Variants in NUS1 observed in about 807,000 individuals in gnomAD.
The protein encoded by NUS1 is NUS1 dehydrodolichyl diphosphate synthase subunit.
For missense variants in NUS1, 292 were observed against 382.9 expected, an observed-to-expected ratio of 0.76 and a Z score of 1.98; for synonymous variants, 135 against 155.2, an observed-to-expected ratio of 0.87 and a Z score of 0.97.
intron 1 of NUS1, among the ~76,000 whole-genome samples, chr6:117,687,923 A>T (rs1050975145): frequency 6.6e-6 from 1 of 152,198 alleles, no homozygotes. Context: ...TTATAATATT[A>T]TAAGGAAGTA....
intron 1 of NUS1, among the ~76,000 whole-genome samples, chr6:117,691,796 T>C (rs1420806119): frequency 6.6e-6 from 1 of 151,638 alleles, no homozygotes; most frequent in Admixed American, 6.6e-5. Flanking sequence ...GAGTGTATAA[T>C]TGAACATGTA....
In NUS1 at chr6:117,707,170, AGT is replaced by A. The variant is rs199562088; in HGVS notation, c.*167_*168del. 3.0e-3 allele frequency: 1,956 copies of A among 661,770 alleles called. 22 individuals are homozygous for A. Among genetic ancestry groups the A allele is most frequent in the African/African-American group, 0.029 (1,592 of 55,320 alleles). 41.0% of individuals were successfully genotyped at this position (661,770 alleles called of 1,614,324 possible). ...CAAAAAAGTGTCTTACTTGAGAGTG[AGT>A]GTGTGTGTGTGCGTGTGCACGTGCA... On this transcript the variant is annotated 3_prime_UTR_variant, in exon 5 of 5. Coordinates refer to ENST00000368494, the MANE Select transcript of NUS1 (RefSeq NM_138459.5).
At chr6:117,679,541 G>A (rs1253014319) in intron 1 of NUS1, among the ~76,000 whole-genome samples, 2 of 152,186 alleles carry the variant, frequency 1.3e-5, no homozygotes, top group African/African-American at 4.8e-5. Flanking sequence ...AGTTCAGTTG[G>A]GCAGTTTTTC....
At chr6:117,678,146 A>C (rs571179428) in intron 1 of NUS1, among the ~76,000 whole-genome samples, 1 of 152,342 alleles carries the variant, frequency 6.6e-6, no homozygotes, top group Non-Finnish European at 1.5e-5. Flanking sequence ...AGGAAGAAGT[A>C]AGCTAAGCCA....
At chr6:117,703,181 C>T (rs1242421158) in intron 3 of NUS1, among the ~76,000 whole-genome samples, 2 of 152,232 alleles carry the variant, frequency 1.3e-5, no homozygotes, top group African/African-American at 4.8e-5. Context: ...TTAAAATTTC[C>T]TTTTCGTCTC....
chr6:117,688,003 G>C (rs1206380982), intron 1 of NUS1, among the ~76,000 whole-genome samples: 1 of 152,044 alleles, frequency 6.6e-6, no homozygotes, highest in East Asian at 1.9e-4. Context: ...ATCACTTGAG[G>C]GCCAGGAGTT....
chr6:117,707,915 C>T lies in NUS1; in HGVS notation c.*900C>T, dbSNP rs11548270. 1 of 152,216 alleles carries T rather than the reference C, an allele frequency of 6.6e-6. No homozygotes were observed. 9.4% of individuals were successfully genotyped at this position (152,216 alleles called of 1,614,324 possible). A position where few individuals can be genotyped will look rare whatever the true frequency, so the allele number is the denominator to read the frequency against. Reference sequence around the variant, plus strand: ...ATAAATGGAAAGAAAGTTTTATTTCCTTTTTTGTTTGATGGGCAGTATGCC... The same window carrying T: ...ATAAATGGAAAGAAAGTTTTATTTCTTTTTTTGTTTGATGGGCAGTATGCC... On this transcript the variant is annotated 3_prime_UTR_variant, in exon 5 of 5. Coordinates refer to ENST00000368494, the MANE Select transcript of NUS1 (RefSeq NM_138459.5).
At chr6:117,688,764 T>A (rs1773176251) in intron 1 of NUS1, among the ~76,000 whole-genome samples, 1 of 152,208 alleles carries the variant, frequency 6.6e-6, no homozygotes, top group African/African-American at 2.4e-5. Flanking sequence ...AGGAACCAAA[T>A]GATCCTGTTT....
chr6:117,676,175 C>T, intron 1 of NUS1, 90 bp downstream of exon 1: 2 of 1,534,742 alleles, frequency 1.3e-6, no homozygotes, highest in Non-Finnish European at 1.8e-6. Flanking sequence ...GCACGAGTTG[C>T]CGCGGCCTCT....
chr6:117,703,453 A>G, intron 3 of NUS1, 152 bp from the exon 4 acceptor site: 4 of 633,284 alleles, frequency 6.3e-6, no homozygotes, highest in Admixed American at 2.5e-5. Flanking sequence ...GGGGTGGGGC[A>G]TGGAGACATA....
chr6:117,703,670 T>C lies in NUS1; in HGVS notation c.757T>C (p.Phe253Leu). Residue 253 changes from phenylalanine to leucine, a missense_variant, in exon 4 of 5, where the codon TTT becomes CTT. Coordinates refer to ENST00000368494, the MANE Select transcript of NUS1 (RefSeq NM_138459.5). Reference sequence around the variant, plus strand: ...CGGTCCTGTGGACAGCACATTAGGCTTTCTTCCCTGGCACATCAGATTGAC... The same window carrying C: ...CGGTCCTGTGGACAGCACATTAGGCCTTCTTCCCTGGCACATCAGATTGAC... ...KFGPVDSTLG[F>L]LPWHIRLTEI... 1 of 1,613,690 alleles carries C rather than the reference T, an allele frequency of 6.2e-7. No individual in the cohort carries two copies. The highest frequency in any genetic ancestry group is 1.1e-5 in the South Asian group (1 of 91,068).
chr6:117,676,853 T>C (rs1384039570), intron 1 of NUS1, among the ~76,000 whole-genome samples: 3 of 152,236 alleles, frequency 2.0e-5, no homozygotes, highest in Admixed American at 6.5e-5. Context: ...AGTGAGGCTA[T>C]AGAGGACTTA....
chr6:117,695,305 A>G (rs1367210862), intron 3 of NUS1, among the ~76,000 whole-genome samples: 1 of 151,722 alleles, frequency 6.6e-6, no homozygotes, highest in African/African-American at 2.4e-5. Flanking sequence ...TGTCCGTCAC[A>G]GAGCAAAGTC....
chr6:117,682,916 C>T (rs1303399710), intron 1 of NUS1, among the ~76,000 whole-genome samples: 1 of 152,132 alleles, frequency 6.6e-6, no homozygotes, highest in African/African-American at 2.4e-5. Context: ...AGGCACTTAT[C>T]TACAGGTTAT....
chr6:117,676,637 C>T (rs950122831), intron 1 of NUS1, among the ~76,000 whole-genome samples: 10 of 152,142 alleles, frequency 6.6e-5, no homozygotes, highest in African/African-American at 2.4e-4. Flanking sequence ...TATAATACTG[C>T]AGTAATGTAG....
chr6:117,703,454 T>C (rs1356011380), intron 3 of NUS1, 151 bp from the exon 4 acceptor site: 17 of 633,920 alleles, frequency 2.7e-5, no homozygotes, highest in Non-Finnish European at 4.5e-5. Flanking sequence ...GGGTGGGGCA[T>C]GGAGACATAC....
intron 3 of NUS1, among the ~76,000 whole-genome samples, chr6:117,698,371 A>G (rs1773351229): frequency 6.6e-6 from 1 of 152,164 alleles, no homozygotes; most frequent in Non-Finnish European, 1.5e-5. Flanking sequence ...TCAAAGGATC[A>G]TTAGTGGCTG....
intron 1 of NUS1, among the ~76,000 whole-genome samples, chr6:117,687,205 T>C (rs140274912): frequency 2.0e-4 from 30 of 152,336 alleles, no homozygotes; most frequent in Admixed American, 5.2e-4. Flanking sequence ...TAAGGAAGTG[T>C]CTGCTTTTAT....
At chr6:117,676,381 C>G (rs1288331215) in intron 1 of NUS1, among the ~76,000 whole-genome samples, 1 of 152,178 alleles carries the variant, frequency 6.6e-6, no homozygotes, top group African/African-American at 2.4e-5. Context: ...GAGTTCGAGA[C>G]CAGCCTGACT....
Sources: allele counts gnomAD v4.1 joint callset (sites outside exome capture counted in the v4.1 genomes callset), GRCh38; gene constraint gnomAD v4.1.1; transcripts MANE v1.5; gene names NCBI Gene and HGNC (gene_info 2026-07-23, HGNC 2026-07-21).